Variants in TMEM276 observed in about 807,000 individuals in gnomAD.
The protein encoded by TMEM276 is transmembrane protein 276.
chr8:144,464,426 G>C, the TMEM276 span: 1 of 1,612,100 alleles, frequency 6.2e-7, no homozygotes, highest in Non-Finnish European at 8.5e-7. Context: ...CCTCCTCCCA[G>C]GAGCAGGTTG....
At chr8:144,464,471 C>T in the TMEM276 span, 3 of 1,612,316 alleles carry the variant, frequency 1.9e-6, no homozygotes, top group South Asian at 1.1e-5. Flanking sequence ...CAGTGGAAAT[C>T]GAAGGCCAGA....
chr8:144,464,681 G>T, the TMEM276 span: 1 of 1,574,814 alleles, frequency 6.3e-7, no homozygotes. Flanking sequence ...ACAGGAAAGG[G>T]TTTGGGGCTT....
the TMEM276 span, chr8:144,464,630 G>A: frequency 1.3e-6 from 2 of 1,593,768 alleles, no homozygotes; most frequent in Non-Finnish European, 1.7e-6. Context: ...CACAGGGAAG[G>A]GAGAACACGT....
the TMEM276 span, chr8:144,464,922 G>T: frequency 6.2e-7 from 1 of 1,609,772 alleles, no homozygotes; most frequent in Non-Finnish European, 8.5e-7. Context: ...GCGGCAGTAT[G>T]TACGAGGACA....
chr8:144,466,540 G>A, the TMEM276 span: 1 of 1,170,486 alleles, frequency 8.5e-7, no homozygotes, highest in Non-Finnish European at 1.1e-6. Context: ...TGGCCGTGCA[G>A]CCCGTCGTCT....
the TMEM276 span, chr8:144,465,800 G>A: frequency 1.4e-5 from 1 of 69,828 alleles, no homozygotes; most frequent in Non-Finnish European, 2.9e-5. Flanking sequence ...GGGGCTGAGA[G>A]CGGCGGGTCT....
the TMEM276 span, chr8:144,463,861 C>T: frequency 5.9e-6 from 8 of 1,367,442 alleles, no homozygotes; most frequent in South Asian, 7.6e-5. Flanking sequence ...GGAGACTAGG[C>T]CTCTTCTCTG....
chr8:144,465,505 G>C, the TMEM276 span: 17 of 930,474 alleles, frequency 1.8e-5, no homozygotes, highest in Non-Finnish European at 2.1e-5. Context: ...GCGGAGGCTA[G>C]AGCGGCCGGG....
At chr8:144,464,278 C>T in the TMEM276 span, 3 of 1,613,274 alleles carry the variant, frequency 1.9e-6, no homozygotes, top group Non-Finnish European at 2.5e-6. Flanking sequence ...CAGCATCGCC[C>T]CCCCCCACAT....
the TMEM276 span, chr8:144,466,319 G>T: frequency 3.3e-6 from 1 of 303,984 alleles, no homozygotes; most frequent in Non-Finnish European, 5.4e-6. Flanking sequence ...GGGGGCGGCC[G>T]TCGCGAGCAT....
At chr8:144,464,091 GGCAGGGCAGAAACCCT>G in the TMEM276 span, 2 of 1,578,356 alleles carry the variant, frequency 1.3e-6, no homozygotes, top group Admixed American at 3.5e-5. Flanking sequence ...GAAAGTGTTC[GGCAGGGCAGAAACCCT>G]GCCTGGCTGT....
chr8:144,465,604 G>T, the TMEM276 span: 1,445 of 159,302 alleles, frequency 9.1e-3, 31 homozygotes, highest in African/African-American at 0.031. Context: ...GTAGGAGCGG[G>T]TGGGGTCGGG....
chr8:144,464,942 G>A, the TMEM276 span: 92 of 1,602,640 alleles, frequency 5.7e-5, no homozygotes, highest in East Asian at 8.5e-4. Context: ...ACAGATAGGA[G>A]ATACTCAACT....
chr8:144,464,631 G>A, the TMEM276 span: 3 of 1,592,574 alleles, frequency 1.9e-6, no homozygotes, highest in African/African-American at 1.3e-5. Flanking sequence ...ACAGGGAAGG[G>A]AGAACACGTG....
chr8:144,464,136 C>A, the TMEM276 span: 1 of 1,609,008 alleles, frequency 6.2e-7, no homozygotes, highest in Non-Finnish European at 8.5e-7. Flanking sequence ...GTCACTCCCA[C>A]TGGAGGCGCT....
chr8:144,463,962 G>T, the TMEM276 span: 1 of 1,495,646 alleles, frequency 6.7e-7, no homozygotes, highest in Non-Finnish European at 8.9e-7. Context: ...GTCCCCACAC[G>T]TGGCCAAAGG....
At chr8:144,466,687 C>T in the TMEM276 span, 3 of 1,293,160 alleles carry the variant, frequency 2.3e-6, no homozygotes, top group East Asian at 2.9e-5. Context: ...AATCCTCCGG[C>T]CCGGTTCGCG....
the TMEM276 span, chr8:144,464,556 C>CGTG: frequency 6.2e-7 from 1 of 1,611,460 alleles, no homozygotes. Flanking sequence ...CTGGGGCCAG[C>CGTG]GTGGTGGTGG....
At chr8:144,466,536 T>G in the TMEM276 span, 1 of 1,178,358 alleles carries the variant, frequency 8.5e-7, no homozygotes, top group African/African-American at 1.6e-5. Context: ...GGGCTGGCCG[T>G]GCAGCCCGTC....
Sources: allele counts gnomAD v4.1 joint callset, GRCh38; gene constraint gnomAD v4.1.1; transcripts MANE v1.5; gene names NCBI Gene and HGNC (gene_info 2026-07-23, HGNC 2026-07-21).